The following CTNNA2 variants were observed in gnomAD, a reference collection of about 807,000 sequenced individuals.
CTNNA2 encodes catenin alpha-2.
CTNNA2 carries 42 observed loss-of-function variants against 101.0 expected under a neutral mutation model. The observed-to-expected ratio is 0.42, with a 90% confidence interval of 0.32 to 0.54. The LOEUF (loss-of-function observed/expected upper bound fraction) is 0.54, where lower values mean the gene tolerates loss of function less well. CTNNA2 is among the 20% of genes least tolerant of loss of function. CTNNA2 has a pLI of 0.14. For missense variants in CTNNA2, 871 were observed against 1,223.1 expected (o/e 0.71, Z 4.29); for synonymous variants, 450 against 456.4 (o/e 0.99, Z 0.18).
chr2:79,801,719 T>G (rs1476524325), intron 3 of CTNNA2, among the ~76,000 whole-genome samples: 1 of 152,092 alleles, frequency 6.6e-6, no homozygotes, highest in East Asian at 1.9e-4. Flanking sequence ...GGGCCAGGCA[T>G]GGTGGCTCAT....
At chr2:79,879,539 T>C (rs569216267) in intron 6 of CTNNA2, among the ~76,000 whole-genome samples, 70 of 152,242 alleles carry the variant, frequency 4.6e-4, no homozygotes, top group Non-Finnish European at 1.3e-4. Context: ...CTTCACATCC[T>C]TGTTAGCTGT....
chr2:80,514,324 C>T (rs12714005), intron 9 of CTNNA2, among the ~76,000 whole-genome samples: 54,924 of 151,926 alleles, frequency 0.36, 10,306 homozygotes, highest in South Asian at 0.4. Context: ...TGGGTGCCTG[C>T]GACCTCTGAA....
intron 7 of CTNNA2, among the ~76,000 whole-genome samples, chr2:80,291,834 G>T (rs977348496): frequency 6.6e-6 from 1 of 152,162 alleles, no homozygotes. Flanking sequence ...ACATGGCCAC[G>T]TGTATTCCAG....
chr2:80,591,191 T>C (rs1360999720), intron 15 of CTNNA2, among the ~76,000 whole-genome samples: 2 of 152,158 alleles, frequency 1.3e-5, no homozygotes, highest in Admixed American at 6.6e-5. Flanking sequence ...CACATGTCTG[T>C]TAGTCAAAGT....
At chr2:80,381,134 T>G (rs548045439) in intron 7 of CTNNA2, among the ~76,000 whole-genome samples, 14 of 151,938 alleles carry the variant, frequency 9.2e-5, no homozygotes, top group Admixed American at 9.2e-4. Context: ...GGCTTGCACC[T>G]TCGTGTTCAG....
intron 7 of CTNNA2, chr2:80,298,120 A>G (rs1343566945): frequency 6.6e-6 from 1 of 151,632 alleles, no homozygotes; most frequent in Non-Finnish European, 1.5e-5. Flanking sequence ...GAGAGGTAGG[A>G]GTGTGTGTGT....
chr2:79,219,923 C>T (rs574710080), intron 2 of CTNNA2, among the ~76,000 whole-genome samples: 1 of 152,320 alleles, frequency 6.6e-6, no homozygotes, highest in Admixed American at 6.5e-5. Flanking sequence ...CTTTGTTCTG[C>T]TATTCGAAAG....
chr2:79,568,260 A>G (rs1675237342), intron 1 of CTNNA2, among the ~76,000 whole-genome samples: 1 of 152,200 alleles, frequency 6.6e-6, no homozygotes, highest in African/African-American at 2.4e-5. Context: ...TTTCCTGTAC[A>G]TGCCCCCAGT....
At chr2:80,216,107 G>C (rs1381883617) in intron 7 of CTNNA2, among the ~76,000 whole-genome samples, 1 of 152,148 alleles carries the variant, frequency 6.6e-6, no homozygotes, top group Non-Finnish European at 1.5e-5. Flanking sequence ...TAAGACTGTT[G>C]GAAAAGCGCA....
chr2:79,830,368 G>A (rs988944893), intron 3 of CTNNA2, among the ~76,000 whole-genome samples: 3 of 152,154 alleles, frequency 2.0e-5, no homozygotes, highest in Non-Finnish European at 2.9e-5. Context: ...GATGGGCCAC[G>A]CATGGCAGCA....
chr2:80,646,100 ATT>A (rs1674059960), intron 18 of CTNNA2, among the ~76,000 whole-genome samples: 1 of 152,128 alleles, frequency 6.6e-6, no homozygotes, highest in African/African-American at 2.4e-5. Flanking sequence ...CGTGGGACAT[ATT>A]TTGTTAATAA....
intron 7 of CTNNA2, among the ~76,000 whole-genome samples, chr2:80,185,648 G>A (rs924239055): frequency 2.0e-5 from 3 of 152,204 alleles, no homozygotes; most frequent in Non-Finnish European, 2.9e-5. Context: ...GGAATGGAGT[G>A]TTTCTCAATC....
intron 3 of CTNNA2, among the ~76,000 whole-genome samples, chr2:79,790,204 C>T (rs945272011): frequency 1.2e-4 from 18 of 151,892 alleles, no homozygotes; most frequent in African/African-American, 3.4e-4. Flanking sequence ...ACAAATGAAA[C>T]GCTGGGGAAG....
intron 3 of CTNNA2, among the ~76,000 whole-genome samples, chr2:79,371,752 G>A (rs957114645): frequency 5.3e-5 from 8 of 152,036 alleles, no homozygotes; most frequent in Middle Eastern, 3.2e-3. Context: ...ATCAGTCCTG[G>A]GCAAAGTAGG....
intron 2 of CTNNA2, among the ~76,000 whole-genome samples, chr2:79,725,329 G>A (rs1273711776): frequency 1.3e-5 from 2 of 152,186 alleles, no homozygotes; most frequent in African/African-American, 4.8e-5. Context: ...GTGACTTTAA[G>A]CAAGAATTCA....
intron 7 of CTNNA2, among the ~76,000 whole-genome samples, chr2:80,024,194 CATTT>C (rs532941780): frequency 5.8e-4 from 88 of 151,720 alleles, no homozygotes; most frequent in Admixed American, 2.4e-3. Flanking sequence ...TAATTTATCT[CATTT>C]AATATGTAGT....
intron 7 of CTNNA2, among the ~76,000 whole-genome samples, chr2:80,269,518 T>G (rs555726036): frequency 6.6e-6 from 1 of 152,324 alleles, no homozygotes; most frequent in East Asian, 1.9e-4. Flanking sequence ...TTAATTTTAA[T>G]TCATCGGTGC....
intron 4 of CTNNA2, among the ~76,000 whole-genome samples, chr2:79,454,111 C>T (rs1037929594): frequency 6.6e-6 from 1 of 152,052 alleles, no homozygotes; most frequent in African/African-American, 2.4e-5. Context: ...CGAAAGGATT[C>T]GTGAATGTGT....
At position 80,543,133 on chromosome 2, in the gene CTNNA2, A is replaced by G. The variant is rs1691725884; in HGVS notation, c.1291-1849A>G. The stretch of plus-strand genomic sequence containing the variant: ...CTATTGTTTAATTTATTAAATAAAC[A>G]TGTACAAAACACCAATTCTGTGTCA... On this transcript the variant is annotated intron_variant, in intron 9 of 18. Transcript: ENST00000402739. 2.0e-5 allele frequency among the ~76,000 whole-genome samples: 3 copies of G among 152,356 alleles called. No individual in the cohort carries two copies. The South Asian group carries it at 6.2e-4, about 32-fold the overall frequency.
Sources: gnomAD v4.1 joint callset for allele counts (sites outside exome capture counted in the v4.1 genomes callset) on GRCh38, gnomAD v4.1.1 for gene constraint, MANE v1.5 for transcripts, NCBI Gene and HGNC (gene_info 2026-07-23, HGNC 2026-07-21) for gene names.